The following ARHGEF3 variants were observed in gnomAD, a reference collection of about 807,000 sequenced individuals.
The protein encoded by ARHGEF3 is Rho guanine nucleotide exchange factor 3.
ARHGEF3 carries 28 observed loss-of-function variants against 63.2 expected under a neutral mutation model. The observed-to-expected ratio is 0.44, with a 90% CI of 0.33 to 0.61. ARHGEF3 has a LOEUF of 0.61. Among genes scored for constraint, ARHGEF3 ranks in the 20% least tolerant of loss-of-function variants. The pLI is 0.03. For missense variants in ARHGEF3, 533 were observed against 659.3 expected (o/e 0.81, Z 2.10); for synonymous variants, 266 against 254.2 (o/e 1.05, Z -0.44).
At chr3:56,844,179 G>A (rs1436442937) in intron 4 of ARHGEF3, among the ~76,000 whole-genome samples, 1 of 152,224 alleles carries the variant, frequency 6.6e-6, no homozygotes, top group African/African-American at 2.4e-5. Context: ...TATTATGTAG[G>A]ATTTTCAGTT....
chr3:57,048,645 G>T (rs755320620), intron 1 of ARHGEF3, among the ~76,000 whole-genome samples: 1 of 152,134 alleles, frequency 6.6e-6, no homozygotes, highest in African/African-American at 2.4e-5. Flanking sequence ...CCTCCTTAAG[G>T]CTGGCTGGGA....
chr3:56,856,744 A>G (rs1578688388), intron 4 of ARHGEF3, among the ~76,000 whole-genome samples: 1 of 144,576 alleles, frequency 6.9e-6, no homozygotes, highest in East Asian at 2.1e-4. Context: ...CCATCAAGAT[A>G]GTGGCTGACA....
intron 4 of ARHGEF3, among the ~76,000 whole-genome samples, chr3:56,814,079 G>C (rs997580038): frequency 6.6e-6 from 1 of 152,142 alleles, no homozygotes; most frequent in Non-Finnish European, 1.5e-5. Context: ...CTAGTAAACT[G>C]AAAAAGAATA....
intron 6 of ARHGEF3, among the ~76,000 whole-genome samples, chr3:56,749,916 C>CGAGCGAGACACTCCGTCTCA (rs2034624188): frequency 6.6e-6 from 1 of 152,024 alleles, no homozygotes; most frequent in African/African-American, 2.4e-5. Context: ...ACTTTCTGCA[C>CGAGCGAGACACTCCGTCTCA]ATCTATGTGT....
chr3:57,032,197 T>C (rs1239723675), intron 2 of ARHGEF3, among the ~76,000 whole-genome samples: 1 of 152,212 alleles, frequency 6.6e-6, no homozygotes, highest in Non-Finnish European at 1.5e-5. Flanking sequence ...AAAACCCCTT[T>C]GCAGAGAAAC....
intron 3 of ARHGEF3, among the ~76,000 whole-genome samples, chr3:56,938,218 G>A (rs531385137): frequency 1.3e-5 from 2 of 152,248 alleles, no homozygotes; most frequent in East Asian, 3.9e-4. Context: ...GGGTTGGATG[G>A]CAGAGAGAGC....
chr3:56,944,359 G>A (rs1699354903), intron 3 of ARHGEF3, among the ~76,000 whole-genome samples: 1 of 152,004 alleles, frequency 6.6e-6, no homozygotes, highest in Admixed American at 6.6e-5. Flanking sequence ...ACATTAACAG[G>A]ACTTTGGAAG....
intron 1 of ARHGEF3, among the ~76,000 whole-genome samples, chr3:57,066,621 T>C (rs1705554747): frequency 6.6e-6 from 1 of 152,234 alleles, no homozygotes; most frequent in African/African-American, 2.4e-5. Flanking sequence ...ACTGTGATGA[T>C]TAATTTTATG....
chr3:56,968,296 A>ATATTTATATTTATATATAATATTT (rs1375293429), intron 2 of ARHGEF3, among the ~76,000 whole-genome samples: 28 of 43,230 alleles, frequency 6.5e-4, no homozygotes, highest in African/African-American at 1.8e-3. Context: ...TAATATATAT[A>ATATTTATATTTATATATAATATTT]ATATATAATA....
chr3:56,829,823 A>G (rs2038865455), intron 4 of ARHGEF3, among the ~76,000 whole-genome samples: 1 of 152,226 alleles, frequency 6.6e-6, no homozygotes, highest in Non-Finnish European at 1.5e-5. Flanking sequence ...AATGGGTTAC[A>G]TAAGCAGGGA....
chr3:56,980,513 A>G (rs1701286023), intron 2 of ARHGEF3, among the ~76,000 whole-genome samples: 1 of 152,192 alleles, frequency 6.6e-6, no homozygotes, highest in Non-Finnish European at 1.5e-5. Flanking sequence ...CATATATAGT[A>G]CCTACGTAGG....
chr3:56,996,887 A>ATT (rs199994465), intron 2 of ARHGEF3, among the ~76,000 whole-genome samples: 19 of 102,570 alleles, frequency 1.9e-4, no homozygotes, highest in African/African-American at 4.8e-4. Context: ...TATTATTATT[A>ATT]TTATTTTTTT....
chr3:56,793,610 A>T lies in ARHGEF3; in HGVS notation c.96+8093T>A, dbSNP rs57982201. ...GAGTCACCATGCCCAGCTTGGTTTT[A>T]TTATGTCTTAAAAATAGTTGCAACA... is the stretch of plus-strand genomic sequence containing the variant. On this transcript the variant is annotated intron_variant, in intron 1 of 9. Coordinates refer to ENST00000296315, the MANE Select transcript of ARHGEF3 (RefSeq NM_019555.3). Among the ~76,000 whole-genome samples, 3 of 152,256 alleles carry T rather than the reference A, an allele frequency of 2.0e-5. No homozygotes were observed. In the East Asian group the frequency reaches 5.8e-4, roughly 29 times the overall value.
At chr3:56,846,700 C>CT (rs2039502881) in intron 4 of ARHGEF3, among the ~76,000 whole-genome samples, 1 of 152,094 alleles carries the variant, frequency 6.6e-6, no homozygotes, top group South Asian at 2.1e-4. Flanking sequence ...AACTTCACAA[C>CT]TTTTTTCCCA....
chr3:56,857,401 T>C (rs2039923530), intron 4 of ARHGEF3, among the ~76,000 whole-genome samples: 1 of 152,102 alleles, frequency 6.6e-6, no homozygotes, highest in African/African-American at 2.4e-5. Context: ...CCAATCACAC[T>C]AAAGGGAAGA....
chr3:56,852,699 G>C (rs916290445), intron 4 of ARHGEF3, among the ~76,000 whole-genome samples: 1 of 9,148 alleles, frequency 1.1e-4, no homozygotes, highest in African/African-American at 1.5e-4. Context: ...TGATTCACAT[G>C]CTGTAAAAAA....
At position 56,835,007 on chromosome 3, in the gene ARHGEF3, A is replaced by C. The variant is rs367781396; in HGVS notation, c.192+47285T>G. ...ACAACATCCACATACTGCTAGTATA[A>C]TAAAGAAGTAAAAGTTTGAAACATG... On this transcript the variant is annotated intron_variant, in intron 4 of 12. Coordinates refer to the ARHGEF3 transcript ENST00000338458. Among the ~76,000 whole-genome samples, 14 of 152,310 alleles carry C rather than the reference A, an allele frequency of 9.2e-5. 2 individuals are homozygous for C. The highest frequency in any genetic ancestry group is 5.9e-4 in the Admixed American group (9 of 15,306).
intron 1 of ARHGEF3, among the ~76,000 whole-genome samples, chr3:57,053,630 C>G (rs1213008619): frequency 6.6e-6 from 1 of 152,222 alleles, no homozygotes; most frequent in African/African-American, 2.4e-5. Context: ...TTCCTGTCTC[C>G]TAGAAAGAAG....
At chr3:57,010,369 T>C (rs1046380742) in intron 2 of ARHGEF3, among the ~76,000 whole-genome samples, 12 of 145,692 alleles carry the variant, frequency 8.2e-5, no homozygotes, top group African/African-American at 3.1e-4. Context: ...GGCAGGAGAA[T>C]GGCGTGAACC....
Sources: gnomAD v4.1 joint callset for allele counts (sites outside exome capture counted in the v4.1 genomes callset) on GRCh38, gnomAD v4.1.1 for gene constraint, MANE v1.5 for transcripts, NCBI Gene and HGNC (gene_info 2026-07-23, HGNC 2026-07-21) for gene names.